Variants in IPO9 observed in about 807,000 individuals in gnomAD.
IPO9 encodes the protein importin 9.
In IPO9, 28 loss-of-function variants were observed where a neutral mutation model predicts 128.6. The observed-to-expected ratio is 0.22, with a 90% CI of 0.16 to 0.30. IPO9 has a LOEUF of 0.30. IPO9 is among the 10% of genes least tolerant of loss of function. The pLI is 1.00. For synonymous variants in IPO9, 455 were observed against 475.8 expected (o/e 0.96, Z 0.57); for missense variants, 935 against 1,293.9 (o/e 0.72, Z 4.26).
In IPO9 at chr1:201,848,414, C is replaced by T; in HGVS notation, c.334C>T (p.Leu112=). 6.2e-7 allele frequency: 1 copy of T among 1,614,146 alleles called. No individual in the cohort carries two copies. Among genetic ancestry groups the T allele is most frequent in the Non-Finnish European group, 8.5e-7 (1 of 1,180,020 alleles). The change falls in exon 4 of 24, where the codon CTA becomes TTA. Residue 112 remains leucine, a synonymous_variant. Coordinates refer to ENST00000361565, the MANE Select transcript of IPO9 (RefSeq NM_018085.5). ...ACAGGCAAAAATTGTTATCCGGGAG[C>T]TATTGCCTAATGGGTTGAGAGAATC... ...TERAKIVIRE[L]LPNGLRESIS...
rs1571546901 is a variant in IPO9 at position 201,854,459 on chromosome 1, A to G, written c.691-136A>G. 8.5e-6 allele frequency: 9 copies of G among 1,062,736 alleles called. No individual in the cohort carries two copies. In the East Asian group the frequency reaches 2.0e-4, roughly 24 times the overall value. The allele number at this position is 1,062,736 out of a possible 1,614,324, so 65.8% of individuals were successfully genotyped here. On this transcript the variant is annotated intron_variant, in intron 6 of 23. Transcript: ENST00000361565. ...CTTAGGTAACACCTTCATTGACTTT[A>G]TAGCTATTCTCTTCTGATCAGGCTT...
intron 1 of IPO9, among the ~76,000 whole-genome samples, chr1:201,840,157 C>G (rs979046503): frequency 3.9e-5 from 6 of 152,042 alleles, no homozygotes; most frequent in African/African-American, 1.4e-4. Flanking sequence ...TGGCACAGTC[C>G]CTCCTCACTA....
chr1:201,849,408 A>G (rs1161764217), intron 4 of IPO9, among the ~76,000 whole-genome samples: 1 of 152,224 alleles, frequency 6.6e-6, no homozygotes, highest in East Asian at 1.9e-4. Flanking sequence ...TTTGCCTTCA[A>G]GAAATTCTTA....
Position 201,869,578 on chromosome 1 carries a change from T to C in IPO9, c.2005-12T>C. 1 of 1,613,824 alleles carries C rather than the reference T, an allele frequency of 6.2e-7. No individual in the cohort carries two copies. Among genetic ancestry groups the C allele is most frequent in the South Asian group, 1.1e-5 (1 of 91,050 alleles). The stretch of plus-strand genomic sequence containing the variant: ...AGGCAATTCTGACTTTTCTTTTTCT[T>C]CTCTCTTTCAGACAGCCATTGATAT... On this transcript the variant is annotated splice_polypyrimidine_tract_variant and intron_variant, in intron 16 of 23. Coordinates refer to ENST00000361565, the MANE Select transcript of IPO9 (RefSeq NM_018085.5).
Position 201,851,885 on chromosome 1 carries a change from G to A in IPO9, c.515-219G>A, listed in dbSNP as rs112539058. Among the ~76,000 whole-genome samples, 2,506 of 152,046 alleles carry A rather than the reference G, an allele frequency of 0.016. 71 individuals are homozygous for A. Among genetic ancestry groups the A allele is most frequent in the African/African-American group, 0.057 (2,374 of 41,436 alleles). On this transcript the variant is annotated intron_variant, in intron 4 of 23. Coordinates refer to ENST00000361565, the MANE Select transcript of IPO9 (RefSeq NM_018085.5). The stretch of plus-strand genomic sequence containing the variant: ...TTAAAGTTTTCTTTTTTAATCTCTT[G>A]TATTTTTCTTTATTTCCATATTATT...
chr1:201,841,136 C>A (rs1451433886), intron 1 of IPO9, among the ~76,000 whole-genome samples: 1 of 152,038 alleles, frequency 6.6e-6, no homozygotes, highest in Non-Finnish European at 1.5e-5. Context: ...AAATGTTTTA[C>A]AAATGAATAA....
chr1:201,833,731 G>A (rs1432835956), intron 1 of IPO9, among the ~76,000 whole-genome samples: 1 of 152,170 alleles, frequency 6.6e-6, no homozygotes, highest in East Asian at 1.9e-4. Flanking sequence ...TTGAAAGTTT[G>A]GAAGTTATTA....
rs1166592397 is a variant in IPO9, at chr1:201,879,616, AC to A, written c.*3564del. ...ATCCAAATTTAGGATCCAAACAAAT[AC>A]CATTACAAACTATAAAAATGAGCAG... On this transcript the variant is annotated 3_prime_UTR_variant, in exon 24 of 24. Coordinates refer to ENST00000361565, the MANE Select transcript of IPO9 (RefSeq NM_018085.5). 1 of 152,256 alleles carries A rather than the reference AC, an allele frequency of 6.6e-6. No homozygotes were observed. Among genetic ancestry groups the A allele is most frequent in the Non-Finnish European group, 1.5e-5 (1 of 68,044 alleles). 9.4% of individuals were successfully genotyped at this position (152,256 alleles called of 1,614,324 possible). A position where few individuals can be genotyped will look rare whatever the true frequency, so the allele number is the denominator to read the frequency against.
At chr1:201,852,933 A>T in intron 5 of IPO9, 78 bp from the exon 6 acceptor site, 2 of 1,110,314 alleles carry the variant, frequency 1.8e-6, no homozygotes, top group Non-Finnish European at 2.7e-6. Flanking sequence ...TCATAGTTTT[A>T]CTTCTAGTCT....
intron 1 of IPO9, among the ~76,000 whole-genome samples, chr1:201,834,197 CTT>C (rs1558214591): frequency 6.9e-3 from 406 of 58,606 alleles, no homozygotes; most frequent in Non-Finnish European, 0.013. Flanking sequence ...AGTAAAAAAA[CTT>C]TTCTTTTCTT....
At chr1:201,852,068 A>ATT in intron 4 of IPO9, 36 bp from the exon 5 acceptor site, 7 of 1,169,164 alleles carry the variant, frequency 6.0e-6, no homozygotes, top group South Asian at 1.4e-5. Flanking sequence ...ATGAAGCAGT[A>ATT]TTTTTTTTTT....
intron 16 of IPO9, 150 bp downstream of exon 16, chr1:201,868,946 C>G (rs1680603080): frequency 1.6e-6 from 2 of 1,255,088 alleles, no homozygotes; most frequent in Non-Finnish European, 2.1e-6. Flanking sequence ...GTGGGTGATT[C>G]TCTGAAGCTT....
At chr1:201,851,788 C>A (rs1428858845) in intron 4 of IPO9, among the ~76,000 whole-genome samples, 2 of 152,198 alleles carry the variant, frequency 1.3e-5, no homozygotes, top group Non-Finnish European at 2.9e-5. Flanking sequence ...TAAATTAATA[C>A]AGAATTTTCC....
At chr1:201,868,542 G>A in intron 15 of IPO9, 106 bp from the exon 16 acceptor site, 1 of 1,230,200 alleles carries the variant, frequency 8.1e-7, no homozygotes, top group South Asian at 1.5e-5. Flanking sequence ...AGTAATCAAT[G>A]CAGAAGTTGT....
intron 14 of IPO9, among the ~76,000 whole-genome samples, chr1:201,863,895 G>C (rs1259677643): frequency 6.6e-6 from 1 of 152,206 alleles, no homozygotes; most frequent in Non-Finnish European, 1.5e-5. Flanking sequence ...GGTTTGGAGA[G>C]AAAAATGTTT....
intron 1 of IPO9, among the ~76,000 whole-genome samples, chr1:201,835,981 G>A (rs1038131266): frequency 1.3e-5 from 2 of 151,760 alleles, no homozygotes; most frequent in Non-Finnish European, 1.5e-5. Flanking sequence ...GCGTGGTGGC[G>A]GGCGCCTGTA....
chr1:201,857,285 G>A, intron 11 of IPO9, 91 bp downstream of exon 11: 1 of 811,288 alleles, frequency 1.2e-6, no homozygotes, highest in Admixed American at 2.0e-5. Context: ...AAGGTGAGCA[G>A]TGTTGTTGGG....
chr1:201,875,677 G>A (rs1680748194), intron 23 of IPO9, among the ~76,000 whole-genome samples: 1 of 152,138 alleles, frequency 6.6e-6, no homozygotes, highest in Non-Finnish European at 1.5e-5. Flanking sequence ...AGGGTTTTGG[G>A]TGGGCTGGAA....
chr1:201,847,912 AT>A (rs1680149965), intron 3 of IPO9, among the ~76,000 whole-genome samples: 1 of 152,254 alleles, frequency 6.6e-6, no homozygotes, highest in South Asian at 2.1e-4. Flanking sequence ...CAAAGTGAGA[AT>A]AAAAATACCA....
Sources: gnomAD v4.1 joint callset for allele counts (sites outside exome capture counted in the v4.1 genomes callset) on GRCh38, gnomAD v4.1.1 for gene constraint, MANE v1.5 for transcripts, NCBI Gene and HGNC (gene_info 2026-07-23, HGNC 2026-07-21) for gene names.